NLRP5: variants seen among roughly 807,000 people sequenced by gnomAD.
NLRP5 encodes NACHT, LRR and PYD domains-containing protein 5.
Under a neutral mutation model 113.1 loss-of-function variants are expected in NLRP5, and 93 were observed. The ratio of observed to expected loss-of-function variants is 0.82; its 90% CI spans 0.70 to 0.98. The LOEUF (loss-of-function observed/expected upper bound fraction) is 0.98, where lower values mean the gene tolerates loss of function less well. NLRP5 is among the 50% of genes least tolerant of loss of function. NLRP5 has a pLI of 0.00. For synonymous variants in NLRP5, 751 were observed against 600.7 expected (o/e 1.25, Z -3.66); for missense variants, 1,808 against 1,514.3 (o/e 1.19, Z -3.22).
chr19:55,993,199 A>T, the NLRP5 span, among the ~76,000 whole-genome samples: 1 of 151,766 alleles, frequency 6.6e-6, no homozygotes, highest in South Asian at 2.1e-4. Flanking sequence ...AAATCAGGGG[A>T]CTTAGCATAT....
the NLRP5 span, chr19:55,987,761 A>C: frequency 7.9e-7 from 1 of 1,271,754 alleles, no homozygotes; most frequent in Non-Finnish European, 1.2e-6. Flanking sequence ...TAGGGAAGTC[A>C]CTCATCCTCA....
At chr19:56,051,572 C>CA (rs1225755357) in intron 12 of NLRP5, among the ~76,000 whole-genome samples, 17 of 29,770 alleles carry the variant, frequency 5.7e-4, no homozygotes, top group African/African-American at 1.5e-3. Flanking sequence ...GTCTCACCAC[C>CA]CCCCCATCAT....
At chr19:56,059,558 A>T (rs1984278904) in intron 14 of NLRP5, among the ~76,000 whole-genome samples, 1 of 152,114 alleles carries the variant, frequency 6.6e-6, no homozygotes, top group Admixed American at 6.6e-5. Flanking sequence ...TTTGAGATGG[A>T]GTCTCACTCT....
intron 11 of NLRP5, among the ~76,000 whole-genome samples, chr19:56,042,500 C>T (rs447762): frequency 0.58 from 88,176 of 151,404 alleles, 26,119 homozygotes; most frequent in African/African-American, 0.65. Context: ...AGCTGTGCAC[C>T]ACCACACCTG....
rs960402217 is a variant in NLRP5, at chr19:56,027,971, T to C, written c.1738T>C (p.Tyr580His). ...CCCAGACAGCCACTGTGAGGAGTAC[T>C]ACACCTTCTTCCACCTCAGTCTCCA... The change falls in exon 7 of 15, where the codon TAC becomes CAC. Residue 580 changes from tyrosine to histidine, a missense_variant. Tyr to His is a moderately conservative substitution (Grantham distance 83). Coordinates refer to ENST00000390649, the MANE Select transcript of NLRP5 (RefSeq NM_153447.4). 11 of 1,613,910 alleles carry C rather than the reference T, an allele frequency of 6.8e-6. No individual in the cohort carries two copies. The highest frequency in any genetic ancestry group is 8.5e-6 in the Non-Finnish European group (10 of 1,179,896).
chr19:55,990,081 T>TTTC, the NLRP5 span, among the ~76,000 whole-genome samples: 34 of 15,454 alleles, frequency 2.2e-3, no homozygotes, highest in African/African-American at 0.012. Context: ...TCTTTTTTCT[T>TTTC]TTTTTTTTTT....
At chr19:55,993,211 C>T in the NLRP5 span, among the ~76,000 whole-genome samples, 2 of 151,740 alleles carry the variant, frequency 1.3e-5, no homozygotes, top group Non-Finnish European at 2.9e-5. Flanking sequence ...TTAGCATATT[C>T]ATCACCCCAA....
At chr19:56,012,433 C>G (rs549454004) in intron 3 of NLRP5, among the ~76,000 whole-genome samples, 1 of 146,640 alleles carries the variant, frequency 6.8e-6, no homozygotes, top group African/African-American at 2.5e-5. Flanking sequence ...CAGGCATGAG[C>G]CACTGCGCCT....
intron 11 of NLRP5, among the ~76,000 whole-genome samples, chr19:56,049,220 C>T (rs2101392): frequency 0.65 from 97,050 of 150,368 alleles, 31,886 homozygotes; most frequent in Non-Finnish European, 0.7. Context: ...ACTCTTGTTG[C>T]CCATGCTGGA....
intron 10 of NLRP5, among the ~76,000 whole-genome samples, chr19:56,039,968 A>G (rs985010299): frequency 1.3e-5 from 2 of 152,046 alleles, no homozygotes; most frequent in African/African-American, 4.8e-5. Context: ...TGTTAGATGT[A>G]GTTTTGGGGG....
chr19:56,041,889 C>T (rs1599903516), intron 11 of NLRP5, among the ~76,000 whole-genome samples: 2 of 152,152 alleles, frequency 1.3e-5, no homozygotes, highest in Admixed American at 6.6e-5. Context: ...GTGGAGGTGG[C>T]AGTGAGCTGG....
chr19:56,039,459 C>T (rs139605878), intron 10 of NLRP5, among the ~76,000 whole-genome samples: 105 of 152,270 alleles, frequency 6.9e-4, no homozygotes, highest in African/African-American at 2.4e-3. Flanking sequence ...CATCCAGGCT[C>T]AGAGGGTGAC....
the NLRP5 span, among the ~76,000 whole-genome samples, chr19:55,987,405 A>G: frequency 6.6e-6 from 1 of 152,224 alleles, no homozygotes; most frequent in African/African-American, 2.4e-5. Flanking sequence ...GGGTACTGCA[A>G]CTTGAATGTC....
At chr19:56,036,421 C>T (rs1983319422) in intron 9 of NLRP5, among the ~76,000 whole-genome samples, 1 of 152,066 alleles carries the variant, frequency 6.6e-6, no homozygotes, top group African/African-American at 2.4e-5. Flanking sequence ...AGTAGTATGA[C>T]ATGTTCCTGG....
At chr19:56,012,891 C>A (rs895404722) in intron 3 of NLRP5, among the ~76,000 whole-genome samples, 1 of 151,730 alleles carries the variant, frequency 6.6e-6, no homozygotes, top group Non-Finnish European at 1.5e-5. Context: ...TCTTTATATA[C>A]TTTCCTTGCT....
At chr19:56,035,569 G>A (rs1983280155) in intron 9 of NLRP5, among the ~76,000 whole-genome samples, 1 of 152,154 alleles carries the variant, frequency 6.6e-6, no homozygotes, top group Non-Finnish European at 1.5e-5. Context: ...GGCTATTTGG[G>A]GCCAAGGAAG....
chr19:56,048,659 C>T (rs1983813756), intron 11 of NLRP5, among the ~76,000 whole-genome samples: 1 of 152,094 alleles, frequency 6.6e-6, no homozygotes, highest in South Asian at 2.1e-4. Flanking sequence ...TTCTTTCCTT[C>T]ATCTTAATTT....
chr19:56,059,816 C>T (rs545133723), intron 14 of NLRP5, among the ~76,000 whole-genome samples: 67 of 152,330 alleles, frequency 4.4e-4, no homozygotes, highest in African/African-American at 1.3e-3. Flanking sequence ...TGAGCCACCA[C>T]GCCCGACTTC....
rs1446520846 is a variant in NLRP5 at position 56,040,912 on chromosome 19, CTT to C, written c.2787-9_2787-8del. 6.2e-7 allele frequency: 1 copy of C among 1,612,558 alleles called. No individual in the cohort carries two copies. The highest frequency in any genetic ancestry group is 1.3e-5 in the African/African-American group (1 of 74,902). On this transcript the variant is annotated splice_polypyrimidine_tract_variant and splice_region_variant and intron_variant, in intron 10 of 14. Transcript: ENST00000390649. Reference sequence around the variant, plus strand: ...CTCATCATGTCCTCTCTGGGGCTCTCTTCTTGCAGACTGGAGGACTGTGGCAT... The same window carrying C: ...CTCATCATGTCCTCTCTGGGGCTCTCCTTGCAGACTGGAGGACTGTGGCAT...
Sources: allele counts gnomAD v4.1 joint callset (sites outside exome capture counted in the v4.1 genomes callset), GRCh38; gene constraint gnomAD v4.1.1; transcripts MANE v1.5; gene names NCBI Gene and HGNC (gene_info 2026-07-23, HGNC 2026-07-21).